The following CYP4Z1 variants were observed in gnomAD, a reference collection of about 807,000 sequenced individuals.
CYP4Z1 encodes the protein cytochrome P450 family 4 subfamily Z member 1, also known as cytochrome P450 4Z1.
A neutral mutation model predicts 54.2 loss-of-function variants in CYP4Z1; 41 were observed. The observed-to-expected ratio is 0.76, with a 90% confidence interval of 0.59 to 0.98. The LOEUF (loss-of-function observed/expected upper bound fraction) is 0.98. CYP4Z1 is among the 50% of genes least tolerant of loss of function. The pLI is 0.00. For missense variants in CYP4Z1, 513 were observed against 599.0 expected, an observed-to-expected ratio of 0.86 and a Z score of 1.50; for synonymous variants, 163 against 206.2, an observed-to-expected ratio of 0.79 and a Z score of 1.79.
chr1:47,102,596 A>G (rs1644729145), intron 8 of CYP4Z1, among the ~76,000 whole-genome samples: 1 of 152,162 alleles, frequency 6.6e-6, no homozygotes. Flanking sequence ...TGGGAATAGT[A>G]TCCTTGACTA....
chr1:47,089,291 T>A (rs891547046), intron 6 of CYP4Z1, among the ~76,000 whole-genome samples: 1 of 152,184 alleles, frequency 6.6e-6, no homozygotes, highest in African/African-American at 2.4e-5. Context: ...ACTTCTCATA[T>A]TTTTAAATAT....
At chr1:47,087,433 AG>A (rs1438122340) in intron 6 of CYP4Z1, among the ~76,000 whole-genome samples, 4 of 152,112 alleles carry the variant, frequency 2.6e-5, no homozygotes, top group Non-Finnish European at 5.9e-5. Flanking sequence ...TTGGATTCCT[AG>A]GTATTTTATT....
At chr1:47,063,034 G>C (rs1644432112), upstream of CYP4Z1, among the ~76,000 whole-genome samples, 1 of 152,142 alleles carries the variant, frequency 6.6e-6, no homozygotes, top group Admixed American at 6.5e-5. Context: ...CCATGGCTAA[G>C]AGACCTGAAG....
At chr1:47,077,646 G>A (rs1225115711) in intron 2 of CYP4Z1, among the ~76,000 whole-genome samples, 3 of 151,514 alleles carry the variant, frequency 2.0e-5, no homozygotes, top group Non-Finnish European at 4.4e-5. Flanking sequence ...TTAGAGACAG[G>A]GTCTTGCTCT....
chr1:47,105,120 G>T (rs984544334), intron 8 of CYP4Z1, among the ~76,000 whole-genome samples: 4 of 152,154 alleles, frequency 2.6e-5, no homozygotes, highest in African/African-American at 9.7e-5. Context: ...TCCTCAGGGT[G>T]CATGAAAATG....
chr1:47,095,037 A>T (rs181706708), intron 7 of CYP4Z1, among the ~76,000 whole-genome samples: 1 of 151,780 alleles, frequency 6.6e-6, no homozygotes, highest in Non-Finnish European at 1.5e-5. Flanking sequence ...TAACTGATAC[A>T]TATTGAACTT....
chr1:47,114,516 G>A (rs1185962290), intron 9 of CYP4Z1, among the ~76,000 whole-genome samples: 1 of 152,128 alleles, frequency 6.6e-6, no homozygotes, highest in Non-Finnish European at 1.5e-5. Context: ...GCAACCTACA[G>A]AATGGGAGAA....
At chr1:47,087,106 A>G (rs1644601625) in intron 6 of CYP4Z1, among the ~76,000 whole-genome samples, 1 of 152,108 alleles carries the variant, frequency 6.6e-6, no homozygotes, top group African/African-American at 2.4e-5. Context: ...GCCTTGTAGT[A>G]TAGTTTGAAG....
the CYP4Z1 span, among the ~76,000 whole-genome samples, chr1:47,060,607 G>T: frequency 6.6e-6 from 1 of 152,138 alleles, no homozygotes. Context: ...AATAATAGTG[G>T]CAGACTTCAA....
rs377639787 is a variant in CYP4Z1 at position 47,082,359 on chromosome 1, T to G, written c.390T>G (p.Gly130=). ...GTCGAGGACTTGTGACCCTGGATGG[T>G]TCTAAATGGAAAAAGCACCGCCAGA... The part of the protein sequence containing the change: ...WVGRGLVTLD[G]SKWKKHRQIV... Residue 130 remains glycine (G), a synonymous_variant, in exon 4 of 12, where the codon GGT becomes GGG. Transcript: ENST00000334194. 1.9e-6 allele frequency: 3 copies of G among 1,611,674 alleles called. No individual in the cohort carries two copies. The highest frequency in any genetic ancestry group is 2.7e-5 in the African/African-American group (2 of 74,870).
rs189279870 is a variant in CYP4Z1, at chr1:47,106,387, C to T, written c.1201+126C>T. 6,173 of 1,184,732 alleles carry T rather than the reference C, an allele frequency of 5.2e-3. 23 individuals are homozygous for T. The highest frequency in any genetic ancestry group is 6.3e-3 in the Non-Finnish European group (5,434 of 862,288). The allele number at this position is 1,184,732 out of a possible 1,614,324, so 73.4% of individuals were successfully genotyped here. A position where few individuals can be genotyped will look rare whatever the true frequency, so the allele number is the denominator to read the frequency against. On this transcript the variant is annotated intron_variant, in intron 9 of 11. Coordinates refer to ENST00000334194, the MANE Select transcript of CYP4Z1 (RefSeq NM_178134.3). ...TGGAACCTAGGGCCATTCTTATTTC[C>T]CAGAGAGGGAGAAAGAGGATAGAGC...
chr1:47,069,795 C>T (rs1224426237), intron 2 of CYP4Z1, among the ~76,000 whole-genome samples: 2 of 144,724 alleles, frequency 1.4e-5, no homozygotes, highest in Non-Finnish European at 3.0e-5. Flanking sequence ...TTTCTTCAGT[C>T]CCCATTGTCT....
intron 8 of CYP4Z1, among the ~76,000 whole-genome samples, chr1:47,104,881 A>G (rs1644746255): frequency 6.6e-6 from 1 of 151,184 alleles, no homozygotes; most frequent in Non-Finnish European, 1.5e-5. Context: ...CAGCTGAGCT[A>G]TGGCCCTGCT....
intron 8 of CYP4Z1, among the ~76,000 whole-genome samples, chr1:47,105,112 C>T (rs1644747703): frequency 1.3e-5 from 2 of 152,132 alleles, no homozygotes; most frequent in South Asian, 4.1e-4. Context: ...GGAATTTGTC[C>T]TCAGGGTGCA....
At chr1:47,065,061 TAAAC>T (rs1251063846), upstream of CYP4Z1, among the ~76,000 whole-genome samples, 1 of 151,982 alleles carries the variant, frequency 6.6e-6, no homozygotes, top group East Asian at 1.9e-4. Flanking sequence ...TACTATGCGA[TAAAC>T]AACAACACAA....
intron 6 of CYP4Z1, among the ~76,000 whole-genome samples, chr1:47,085,850 C>T (rs1225048720): frequency 8.3e-6 from 1 of 121,054 alleles, no homozygotes; most frequent in Admixed American, 8.9e-5. Flanking sequence ...CCCCTCCCCC[C>T]ACCCCACAAC....
At chr1:47,111,110 T>C (rs1325735863) in intron 9 of CYP4Z1, among the ~76,000 whole-genome samples, 2 of 152,150 alleles carry the variant, frequency 1.3e-5, no homozygotes, top group African/African-American at 4.8e-5. Context: ...AAATTAGTCT[T>C]CATAATGTTA....
chr1:47,096,315 A>G (rs868812383), intron 7 of CYP4Z1, among the ~76,000 whole-genome samples: 1 of 152,136 alleles, frequency 6.6e-6, no homozygotes, highest in African/African-American at 2.4e-5. Context: ...TACTCTGGAG[A>G]CTGAGGTGGG....
At chr1:47,117,525 C>A (rs1051193362) in intron 11 of CYP4Z1, among the ~76,000 whole-genome samples, 1 of 151,936 alleles carries the variant, frequency 6.6e-6, no homozygotes. Flanking sequence ...CCAAGGTAGG[C>A]GGATTACTTG....
Sources: gnomAD v4.1 joint callset for allele counts (sites outside exome capture counted in the v4.1 genomes callset) on GRCh38, gnomAD v4.1.1 for gene constraint, MANE v1.5 for transcripts, NCBI Gene and HGNC (gene_info 2026-07-23, HGNC 2026-07-21) for gene names.